The following LCP1 variants were observed in gnomAD, a reference collection of about 807,000 sequenced individuals.
LCP1 encodes lymphocyte cytosolic protein 1.
In LCP1, 23 loss-of-function variants were observed where a neutral mutation model predicts 72.0. The observed-to-expected ratio is 0.32, with a 90% CI of 0.23 to 0.45. LCP1 has a LOEUF of 0.45. Among genes scored for constraint, LCP1 ranks in the 20% least tolerant of loss-of-function variants. LCP1 has a pLI of 1.00. For missense variants in LCP1, 571 were observed against 748.3 expected, an observed-to-expected ratio of 0.76 and a Z score of 2.76; for synonymous variants, 245 against 275.4, an observed-to-expected ratio of 0.89 and a Z score of 1.09.
chr13:46,157,409 T>C (rs1392878980), intron 4 of LCP1, among the ~76,000 whole-genome samples: 3 of 152,110 alleles, frequency 2.0e-5, no homozygotes, highest in Admixed American at 1.3e-4. Context: ...ATAATTAAAT[T>C]GCTATAAAAT....
chr13:46,144,549 G>A (rs528204037), intron 10 of LCP1, 29 bp from the exon 11 acceptor site: 2 of 1,541,880 alleles, frequency 1.3e-6, no homozygotes, highest in East Asian at 2.2e-5. Context: ...GTTATCTTTT[G>A]GGACCGAAGA....
At chr13:46,179,767 T>G (rs1011036627) in intron 1 of LCP1, among the ~76,000 whole-genome samples, 2 of 149,074 alleles carry the variant, frequency 1.3e-5, no homozygotes, top group Admixed American at 6.7e-5. Context: ...GGGGATGGGG[T>G]AGTGGGAGGT....
Position 46,165,534 on chromosome 13 carries a change from A to G in LCP1, c.-24-5848T>C, listed in dbSNP as rs56397224. ...GCACCATATAGGCAGCAAACTATAC[A>G]GATACTGCTGCAGTAATGGGCATGC... On this transcript the variant is annotated intron_variant, in intron 1 of 15. Coordinates refer to ENST00000323076, the MANE Select transcript of LCP1 (RefSeq NM_002298.5). Among the ~76,000 whole-genome samples, 1,510 of 152,346 alleles carry G rather than the reference A, an allele frequency of 9.9e-3. 28 individuals carry two copies. Among genetic ancestry groups the G allele is most frequent in the African/African-American group, 0.033 (1,382 of 41,588 alleles).
At chr13:46,174,383 T>C (rs1177280861) in intron 1 of LCP1, among the ~76,000 whole-genome samples, 1 of 152,224 alleles carries the variant, frequency 6.6e-6, no homozygotes, top group Non-Finnish European at 1.5e-5. Context: ...ACATTTCTTT[T>C]ATCAAAATTT....
At chr13:46,154,923 TCTGAATAACAGAGC>T (rs2045791441) in intron 5 of LCP1, 37 bp from the exon 6 acceptor site, 1 of 1,515,032 alleles carries the variant, frequency 6.6e-7, no homozygotes, top group Non-Finnish European at 9.2e-7. Flanking sequence ...AAAGCAGTCT[TCTGAATAACAGAGC>T]CCAGTAACGT....
At chr13:46,180,169 C>T (rs967581597) in intron 1 of LCP1, among the ~76,000 whole-genome samples, 1 of 152,128 alleles carries the variant, frequency 6.6e-6, no homozygotes, top group African/African-American at 2.4e-5. Flanking sequence ...ATCTACTGCC[C>T]CCCACCCCAA....
chr13:46,138,351 GA>G (rs1425189813), intron 13 of LCP1, among the ~76,000 whole-genome samples: 2 of 151,908 alleles, frequency 1.3e-5, no homozygotes, highest in African/African-American at 4.8e-5. Flanking sequence ...AGCATGCAGG[GA>G]AAAAAATCCC....
intron 1 of LCP1, among the ~76,000 whole-genome samples, chr13:46,175,153 T>C (rs537114610): frequency 6.6e-6 from 1 of 152,306 alleles, no homozygotes; most frequent in Admixed American, 6.5e-5. Flanking sequence ...TTTACCTAGC[T>C]ATGTATGAAA....
chr13:46,128,356 C>A (rs548090096), intron 15 of LCP1, among the ~76,000 whole-genome samples: 21 of 152,306 alleles, frequency 1.4e-4, no homozygotes, highest in Middle Eastern at 3.4e-3. Context: ...CCCAACACTT[C>A]GGGTGGCCGA....
At chr13:46,137,554 G>A (rs1339074051) in intron 13 of LCP1, among the ~76,000 whole-genome samples, 4 of 152,074 alleles carry the variant, frequency 2.6e-5, no homozygotes, top group Admixed American at 1.3e-4. Context: ...AAAAAATTAG[G>A]CTAGAGCCTC....
At chr13:46,139,905 C>T (rs1361764809) in intron 13 of LCP1, among the ~76,000 whole-genome samples, 8 of 152,080 alleles carry the variant, frequency 5.3e-5, no homozygotes, top group Non-Finnish European at 1.2e-4. Context: ...ATAACAGGGC[C>T]CACATTTAAA....
intron 14 of LCP1, among the ~76,000 whole-genome samples, chr13:46,132,216 A>G: frequency 6.6e-6 from 1 of 152,196 alleles, no homozygotes; most frequent in East Asian, 1.9e-4. Flanking sequence ...AGTGAACCCC[A>G]GCATCGCTTG....
At chr13:46,178,788 A>G (rs1358951450) in intron 1 of LCP1, among the ~76,000 whole-genome samples, 2 of 152,242 alleles carry the variant, frequency 1.3e-5, no homozygotes, top group Admixed American at 1.3e-4. Flanking sequence ...TCACTCTACT[A>G]TAAAATCTAC....
Position 46,126,406 on chromosome 13 carries a change from G to A in LCP1, c.*1185C>T, listed in dbSNP as rs1458842968. ...GTCCAGTAAATTAGCTCTTCATAAC[G>A]CAGTTCCACCATTTCTTATCCAGCA... On this transcript the variant is annotated 3_prime_UTR_variant, in exon 16 of 16. Transcript: ENST00000323076. 3 of 231,230 alleles carry A rather than the reference G, an allele frequency of 1.3e-5. No homozygotes were observed. Among genetic ancestry groups the A allele is most frequent in the Non-Finnish European group, 2.6e-5 (3 of 116,670 alleles). 14.3% of individuals were successfully genotyped at this position (231,230 alleles called of 1,614,324 possible).
intron 1 of LCP1, among the ~76,000 whole-genome samples, chr13:46,177,218 CTT>C (rs2045935525): frequency 1.3e-5 from 2 of 152,146 alleles, no homozygotes; most frequent in African/African-American, 4.8e-5. Flanking sequence ...TTTTAGGACA[CTT>C]ATATTTGGCC....
Position 46,156,499 on chromosome 13 carries a change from T to A in LCP1, c.430A>T (p.Ile144Phe). Residue 144 changes from isoleucine to phenylalanine, a missense_variant, in exon 5 of 16, where the codon ATC (isoleucine) becomes TTC (phenylalanine). By Grantham distance (21) the Ile-to-Phe change is conservative. Coordinates refer to ENST00000323076, the MANE Select transcript of LCP1 (RefSeq NM_002298.5). ...LENDPDCRHV[I>F]PMNPNTNDLF... ...TCATTCGTGTTTGGGTTCATTGGGA[T>A]GACATGCCGACAATCAGGATCATTT... 1.9e-6 allele frequency: 3 copies of A among 1,614,164 alleles called. No individual in the cohort carries two copies. The highest frequency in any genetic ancestry group is 2.5e-6 in the Non-Finnish European group (3 of 1,179,966).
At chr13:46,155,633 C>T (rs543757714) in intron 5 of LCP1, among the ~76,000 whole-genome samples, 6 of 152,208 alleles carry the variant, frequency 3.9e-5, no homozygotes, top group Non-Finnish European at 8.8e-5. Flanking sequence ...ATATTGAGCA[C>T]CTCAAGTCAC....
intron 13 of LCP1, among the ~76,000 whole-genome samples, chr13:46,141,405 CAAA>C (rs762462829): frequency 3.8e-5 from 2 of 52,328 alleles, no homozygotes; most frequent in East Asian, 7.2e-4. Context: ...GACTCTGTCT[CAAA>C]AAAAAAAAAA....
rs2045630351 is a variant in LCP1, at chr13:46,130,946, G to A, written c.1627-8C>T. The A allele has an allele frequency of 1.3e-6, 2 of 1,576,644 alleles. No homozygotes were observed. The highest frequency in any genetic ancestry group is 4.6e-5 in the East Asian group (2 of 43,386). On this transcript the variant is annotated splice_region_variant and splice_polypyrimidine_tract_variant and intron_variant, in intron 14 of 15. Transcript: ENST00000323076. The stretch of plus-strand genomic sequence containing the variant: ...TGTACTAATCTTCGGGTCCTATGCA[G>A]AGACACAGGGAGGGTTTCATCAACG...
Sources: gnomAD v4.1 joint callset for allele counts (sites outside exome capture counted in the v4.1 genomes callset) on GRCh38, gnomAD v4.1.1 for gene constraint, MANE v1.5 for transcripts, NCBI Gene and HGNC (gene_info 2026-07-23, HGNC 2026-07-21) for gene names.